TCP11L2: variants seen among roughly 807,000 people sequenced by gnomAD.
TCP11L2 encodes t-complex 11 like 2.
A neutral mutation model predicts 50.7 loss-of-function variants in TCP11L2; 39 were observed. The ratio of observed to expected loss-of-function variants is 0.77; its 90% CI spans 0.60 to 1.01. The LOEUF is 1.01. Among genes scored for constraint, TCP11L2 ranks in the 50% least tolerant of loss-of-function variants. The pLI, the probability that TCP11L2 is intolerant of heterozygous loss-of-function variation, is 0.00. For synonymous variants in TCP11L2, 192 were observed against 219.3 expected (o/e 0.88, Z 1.10); for missense variants, 612 against 614.7 (o/e 1.00, Z 0.05).
intron 2 of TCP11L2, among the ~76,000 whole-genome samples, chr12:106,312,771 A>T (rs1193087367): frequency 6.6e-6 from 1 of 152,118 alleles, no homozygotes; most frequent in East Asian, 1.9e-4. Context: ...AGTCCCAGCT[A>T]CTTGGGAGGC....
At chr12:106,332,012 A>G (rs915187978) in intron 6 of TCP11L2, among the ~76,000 whole-genome samples, 21 of 152,210 alleles carry the variant, frequency 1.4e-4, no homozygotes, top group African/African-American at 4.8e-4. Context: ...GTTTCAAGGA[A>G]TAAATGTAAA....
chr12:106,301,227 T>TTA (rs200962693), upstream of TCP11L2, among the ~76,000 whole-genome samples: 1,052 of 152,272 alleles, frequency 6.9e-3, 10 homozygotes, highest in African/African-American at 0.024. Flanking sequence ...TTAACCTGTA[T>TTA]TATTAGGTTG....
chr12:106,342,516 A>C lies in TCP11L2; in HGVS notation c.1315+1518A>C, dbSNP rs17219055. Among the ~76,000 whole-genome samples, 755 of 152,338 alleles carry C rather than the reference A, an allele frequency of 5.0e-3. 5 individuals are homozygous for C. The highest frequency in any genetic ancestry group is 5.9e-3 in the Non-Finnish European group (399 of 68,032). On this transcript the variant is annotated intron_variant, in intron 9 of 9. Coordinates refer to ENST00000299045, the MANE Select transcript of TCP11L2 (RefSeq NM_152772.3). ...GGTGTTCTAGGAGGAAGAGGGATAG[A>C]GTAGGGACTGAGACACTGCCCAGCA...
Position 106,336,034 on chromosome 12 carries a change from A to C in TCP11L2, c.963A>C (p.Thr321=). 3 of 1,603,940 alleles carry C rather than the reference A, an allele frequency of 1.9e-6. No homozygotes were observed. The highest frequency in any genetic ancestry group is 2.5e-6 in the Non-Finnish European group (3 of 1,176,764). ...TATATTTTAAATAAATATGTTAGAC[A>C]CTTATGACAGATGGAGCACGTCTTC... is the stretch of plus-strand genomic sequence containing the variant. The part of the protein sequence containing the change: ...WDYQKKELPE[T]LMTDGARLQE... Residue 321 remains threonine, a splice_region_variant and synonymous_variant, in exon 8 of 10, where the codon ACA becomes ACC. Coordinates refer to ENST00000299045, the MANE Select transcript of TCP11L2 (RefSeq NM_152772.3).
intron 7 of TCP11L2, 25 bp downstream of exon 7, chr12:106,335,851 A>C: frequency 6.2e-7 from 1 of 1,603,076 alleles, no homozygotes; most frequent in South Asian, 1.1e-5. Context: ...TCTTCACCCA[A>C]ATTTCCCAGT....
intron 5 of TCP11L2, among the ~76,000 whole-genome samples, chr12:106,322,953 G>T (rs1258370962): frequency 2.0e-5 from 3 of 152,144 alleles, no homozygotes; most frequent in African/African-American, 7.2e-5. Context: ...ACTGCCCCCT[G>T]CACTTTACAA....
chr12:106,313,644 T>C (rs1184907510), intron 2 of TCP11L2, among the ~76,000 whole-genome samples: 1 of 150,180 alleles, frequency 6.7e-6, no homozygotes, highest in Admixed American at 6.6e-5. Flanking sequence ...ATCAGTTATT[T>C]CATATTGAGT....
chr12:106,340,898 G>A lies in TCP11L2; in HGVS notation c.1215G>A (p.Met405Ile). 1 of 1,613,388 alleles carries A rather than the reference G, an allele frequency of 6.2e-7. No homozygotes were observed. The highest frequency in any genetic ancestry group is 8.5e-7 in the Non-Finnish European group (1 of 1,179,572). The stretch of plus-strand genomic sequence containing the variant: ...GTGTTGAGGTTAACAAGACCCTGAT[G>A]GAAAGAGGTTTACCCACTTTAAATG... ...QTCVEVNKTL[M>I]ERGLPTLNAE... Residue 405 changes from methionine to isoleucine, a missense_variant, in exon 9 of 10, where the codon ATG becomes ATA. Transcript: ENST00000299045.
At chr12:106,306,951 T>C (rs2034654892) in intron 1 of TCP11L2, among the ~76,000 whole-genome samples, 1 of 152,212 alleles carries the variant, frequency 6.6e-6, no homozygotes, top group Non-Finnish European at 1.5e-5. Flanking sequence ...AGTGCAGAAC[T>C]ATTTGCAGAT....
At chr12:106,326,614 A>G (rs912380459) in intron 6 of TCP11L2, among the ~76,000 whole-genome samples, 1 of 152,164 alleles carries the variant, frequency 6.6e-6, no homozygotes, top group Non-Finnish European at 1.5e-5. Flanking sequence ...TGGTACTGTT[A>G]TCACCCCCTA....
intron 8 of TCP11L2, 112 bp downstream of exon 8, chr12:106,336,325 G>A: frequency 2.0e-6 from 2 of 992,746 alleles, no homozygotes; most frequent in Non-Finnish European, 2.9e-6. Flanking sequence ...CTGTGCTTTA[G>A]AGAAGCTTAT....
chr12:106,329,304 G>T, intron 6 of TCP11L2: 1 of 1,536,054 alleles, frequency 6.5e-7, no homozygotes, highest in Non-Finnish European at 8.7e-7. Context: ...ACGAATGAGT[G>T]GAAAAATTCT....
chr12:106,312,069 G>A (rs1370227784), intron 2 of TCP11L2, among the ~76,000 whole-genome samples: 2 of 152,118 alleles, frequency 1.3e-5, no homozygotes, highest in Non-Finnish European at 2.9e-5. Flanking sequence ...GTGCTTTGCC[G>A]TATCTTTATC....
chr12:106,308,252 G>A (rs1263578454), intron 1 of TCP11L2, among the ~76,000 whole-genome samples: 3 of 152,130 alleles, frequency 2.0e-5, no homozygotes, highest in African/African-American at 7.2e-5. Flanking sequence ...TGGGTTTGGA[G>A]CATCATATAT....
intron 6 of TCP11L2, chr12:106,329,453 C>G: frequency 6.5e-7 from 1 of 1,533,414 alleles, no homozygotes; most frequent in Non-Finnish European, 8.7e-7. Flanking sequence ...GCCAACGTTT[C>G]ACTCTAAACG....
At chr12:106,310,216 TTTATCATGTAGTAAATCCCC>T (rs1204897292) in intron 1 of TCP11L2, among the ~76,000 whole-genome samples, 2 of 152,178 alleles carry the variant, frequency 1.3e-5, no homozygotes, top group East Asian at 3.8e-4. Context: ...AGGGACTGGT[TTTATCATGTAGTAAATCCCC>T]TTATCCCTCT....
chr12:106,315,005 C>CA (rs11450523), intron 3 of TCP11L2, among the ~76,000 whole-genome samples: 97,654 of 125,978 alleles, frequency 0.78, 38,341 homozygotes, highest in African/African-American at 0.93. Flanking sequence ...GACCCTGTCT[C>CA]AAAAAAAAAA....
chr12:106,323,657 TATA>T lies in TCP11L2; in HGVS notation c.772+14_772+16del, dbSNP rs1565850110. On this transcript the variant is annotated intron_variant, in intron 6 of 9. Coordinates refer to ENST00000299045, the MANE Select transcript of TCP11L2 (RefSeq NM_152772.3). ...TGGAAGAAACTCCAAGTGAGTATAA[TATA>T]ATGTGTATTTATATTGAAATTAGGT... The T allele has an allele frequency of 2.1e-6, 3 of 1,446,776 alleles. No individual in the cohort carries two copies. Among genetic ancestry groups the T allele is most frequent in the South Asian group, 3.2e-5 (2 of 61,972 alleles). 89.6% of individuals were successfully genotyped at this position (1,446,776 alleles called of 1,614,324 possible). A position where few individuals can be genotyped will look rare whatever the true frequency, so the allele number is the denominator to read the frequency against.
chr12:106,346,593 T>A lies in TCP11L2; in HGVS notation c.*63T>A, dbSNP rs539626041. Reference sequence around the variant, plus strand: ...TACTTTGGTATCCAGTCCACTTCCATTGATGGCATTAGAGATCCAGCACAT... The same window carrying A: ...TACTTTGGTATCCAGTCCACTTCCAATGATGGCATTAGAGATCCAGCACAT... On this transcript the variant is annotated 3_prime_UTR_variant, in exon 10 of 10. Coordinates refer to ENST00000299045, the MANE Select transcript of TCP11L2 (RefSeq NM_152772.3). The A allele has an allele frequency of 7.7e-6, 12 of 1,551,212 alleles. No individual in the cohort carries two copies. The African/African-American group carries it at 1.6e-4, about 21-fold the overall frequency.
Sources: allele counts gnomAD v4.1 joint callset (sites outside exome capture counted in the v4.1 genomes callset), GRCh38; gene constraint gnomAD v4.1.1; transcripts MANE v1.5; gene names NCBI Gene and HGNC (gene_info 2026-07-23, HGNC 2026-07-21).